WT1: variants seen among roughly 807,000 people sequenced by gnomAD.
WT1 encodes WT1 transcription factor.
WT1 carries 8 observed loss-of-function variants against 60.8 expected under a neutral mutation model. That is an observed-to-expected ratio of 0.13 (90% confidence interval 0.08 to 0.24). WT1 has a LOEUF of 0.24. WT1 is among the 10% of genes least tolerant of loss of function. The probability of loss-of-function intolerance (pLI) is 1.00; values close to 1 mark genes in which losing one functional copy is unlikely to be tolerated. For missense variants in WT1, 568 were observed against 711.8 expected, an observed-to-expected ratio of 0.80 and a Z score of 2.30; for synonymous variants, 312 against 297.1, an observed-to-expected ratio of 1.05 and a Z score of -0.52.
At chr11:32,408,213 GAA>G (rs528702262) in intron 5 of WT1, among the ~76,000 whole-genome samples, 14 of 107,998 alleles carry the variant, frequency 1.3e-4, no homozygotes, top group Admixed American at 6.1e-4. Flanking sequence ...CTCCATCTCA[GAA>G]AAAAAAAAAA....
chr11:32,429,742 C>T (rs1365644037), intron 1 of WT1, among the ~76,000 whole-genome samples: 1 of 151,956 alleles, frequency 6.6e-6, no homozygotes, highest in Non-Finnish European at 1.5e-5. Flanking sequence ...GCAGGGCCAC[C>T]CCAGCAGCCT....
chr11:32,392,992 T>C (rs1245489450), intron 7 of WT1, among the ~76,000 whole-genome samples: 1 of 146,696 alleles, frequency 6.8e-6, no homozygotes, highest in Non-Finnish European at 1.5e-5. Flanking sequence ...AAAAAAGCCC[T>C]GGGTGAGGTG....
At chr11:32,393,615 T>C (rs1175025060) in intron 7 of WT1, among the ~76,000 whole-genome samples, 1 of 152,210 alleles carries the variant, frequency 6.6e-6, no homozygotes, top group African/African-American at 2.4e-5. Flanking sequence ...GCTATTTCCC[T>C]CATGAATCTC....
intron 5 of WT1, among the ~76,000 whole-genome samples, chr11:32,404,056 G>A (rs999932366): frequency 4.0e-5 from 6 of 151,762 alleles, no homozygotes; most frequent in African/African-American, 1.2e-4. Flanking sequence ...GGCGGATCAC[G>A]AGGTTAGGAG....
At chr11:32,422,038 C>T (rs1009574518) in intron 3 of WT1, among the ~76,000 whole-genome samples, 3 of 152,216 alleles carry the variant, frequency 2.0e-5, no homozygotes, top group African/African-American at 7.2e-5. Context: ...ATAGCTGTGT[C>T]CCACACCAAC....
At chr11:32,395,439 G>T (rs959567622) in intron 7 of WT1, among the ~76,000 whole-genome samples, 1 of 151,362 alleles carries the variant, frequency 6.6e-6, no homozygotes, top group Non-Finnish European at 1.5e-5. Context: ...TTTCATTGGC[G>T]TATCTTCAAA....
intron 1 of WT1, 127 bp downstream of exon 1, chr11:32,434,573 T>A: frequency 6.5e-7 from 1 of 1,532,218 alleles, no homozygotes; most frequent in Non-Finnish European, 8.8e-7. Flanking sequence ...TCCGCTATCC[T>A]CACGGCCCTT....
intron 6 of WT1, among the ~76,000 whole-genome samples, chr11:32,397,583 G>A (rs1211232021): frequency 6.6e-6 from 1 of 151,446 alleles, no homozygotes; most frequent in African/African-American, 2.4e-5. Context: ...GCCTCCTAGA[G>A]TGCTGGGATT....
chr11:32,408,939 T>C (rs10835903), intron 5 of WT1, among the ~76,000 whole-genome samples: 44,162 of 152,028 alleles, frequency 0.29, 7,283 homozygotes, highest in East Asian at 0.68. Flanking sequence ...AGACTTAGGG[T>C]CAAAAGATCC....
chr11:32,394,621 A>T (rs1007952453), intron 7 of WT1, among the ~76,000 whole-genome samples: 1 of 152,216 alleles, frequency 6.6e-6, no homozygotes, highest in African/African-American at 2.4e-5. Context: ...GATTAAATGA[A>T]ATATACATGT....
At position 32,392,540 on chromosome 11, in the gene WT1, GA is replaced by G; in HGVS notation, c.1354+125del. 3.2e-6 allele frequency: 3 copies of G among 940,824 alleles called. No individual in the cohort carries two copies. The Admixed American group carries it at 5.9e-5, about 19-fold the overall frequency. The allele number at this position is 940,824 out of a possible 1,614,324, so 58.3% of individuals were successfully genotyped here. On this transcript the variant is annotated intron_variant, in intron 8 of 9. Transcript: ENST00000452863. The stretch of plus-strand genomic sequence containing the variant: ...GGAACATCTCCAGAGATTATGGGGG[GA>G]AAATACTGGAAAAACTAAACACATG...
At chr11:32,421,300 T>C (rs897788254) in intron 3 of WT1, among the ~76,000 whole-genome samples, 3 of 152,192 alleles carry the variant, frequency 2.0e-5, no homozygotes, top group Admixed American at 6.5e-5. Flanking sequence ...CAATAACCAC[T>C]GTAGGTGCCA....
intron 6 of WT1, among the ~76,000 whole-genome samples, chr11:32,398,245 A>G (rs1285528193): frequency 6.6e-6 from 1 of 152,198 alleles, no homozygotes; most frequent in African/African-American, 2.4e-5. Flanking sequence ...CCCACGTATC[A>G]TGTGGGGTCT....
At position 32,435,521 on chromosome 11, in the gene WT1, C is replaced by G. The variant is rs1434350619; in HGVS notation, c.-161G>C. On this transcript the variant is annotated 5_prime_UTR_variant, in exon 1 of 10. Transcript: ENST00000452863. ...CCCCGGGTGTGGGCGCTGCCTTGAACTCCTTACCCCAGCTGCCTGGCTGCC... is the reference window on the plus strand; with the variant it reads ...CCCCGGGTGTGGGCGCTGCCTTGAAGTCCTTACCCCAGCTGCCTGGCTGCC... 8.8e-7 allele frequency: 1 copy of G among 1,140,572 alleles called. No individual in the cohort carries two copies. Among genetic ancestry groups the G allele is most frequent in the Non-Finnish European group, 1.2e-6 (1 of 823,650 alleles). 70.7% of individuals were successfully genotyped at this position (1,140,572 alleles called of 1,614,324 possible).
chr11:32,400,214 G>A, intron 5 of WT1, 170 bp from the exon 6 acceptor site: 2 of 771,994 alleles, frequency 2.6e-6, no homozygotes, highest in Non-Finnish European at 4.4e-6. Flanking sequence ...TGCGGAGGGC[G>A]AGGCCCCTGG....
Position 32,389,029 on chromosome 11 carries a change from G to A in WT1, c.*29C>T, listed in dbSNP as rs759275928. The A allele has an allele frequency of 8.1e-6, 13 of 1,613,976 alleles. No homozygotes were observed. In the South Asian group the frequency reaches 1.3e-4, roughly 16 times the overall value. ...GCAGTTCACACACTGTGCTGCCTGG[G>A]ACACTGAACGGTCCCCGAGGGAGAC... On this transcript the variant is annotated 3_prime_UTR_variant, in exon 10 of 10. Transcript: ENST00000452863.
chr11:32,413,315 G>A (rs1378272096), intron 5 of WT1, among the ~76,000 whole-genome samples: 5 of 152,160 alleles, frequency 3.3e-5, no homozygotes, highest in Admixed American at 2.0e-4. Flanking sequence ...CACTAGTTAT[G>A]AATGAACACA....
intron 1 of WT1, among the ~76,000 whole-genome samples, chr11:32,431,341 AC>A (rs1853302254): frequency 6.6e-6 from 1 of 151,328 alleles, no homozygotes; most frequent in Admixed American, 6.6e-5. Flanking sequence ...TCCGCACCTG[AC>A]CCTAGGGTGG....
chr11:32,390,437 A>G (rs1851782528), intron 9 of WT1, among the ~76,000 whole-genome samples: 1 of 152,196 alleles, frequency 6.6e-6, no homozygotes, highest in Admixed American at 6.5e-5. Context: ...TTATGAGCTC[A>G]GGACTAAGTT....
Sources: allele counts gnomAD v4.1 joint callset (sites outside exome capture counted in the v4.1 genomes callset), GRCh38; gene constraint gnomAD v4.1.1; transcripts MANE v1.5; gene names NCBI Gene and HGNC (gene_info 2026-07-23, HGNC 2026-07-21).